The following SREK1IP1 variants were observed in gnomAD, a reference collection of about 807,000 sequenced individuals.
SREK1IP1 encodes the protein SREK1 interacting protein 1.
Under a neutral mutation model 22.8 loss-of-function variants are expected in SREK1IP1, and 12 were observed. That is an observed-to-expected ratio of 0.53 (90% CI 0.34 to 0.85). SREK1IP1 has a LOEUF of 0.85. SREK1IP1 is among the 40% of genes least tolerant of loss of function. SREK1IP1 has a pLI of 0.02. For synonymous variants in SREK1IP1, 53 were observed against 52.7 expected, an observed-to-expected ratio of 1.01 and a Z score of -0.02; for missense variants, 147 against 171.8, an observed-to-expected ratio of 0.86 and a Z score of 0.81.
intron 1 of SREK1IP1, among the ~76,000 whole-genome samples, chr5:64,762,746 T>C (rs1283825620): frequency 1.3e-5 from 2 of 152,198 alleles, no homozygotes. Flanking sequence ...GATGTCTTAA[T>C]AGTCCATTAA....
At chr5:64,731,699 G>C (rs1742384218) in intron 3 of SREK1IP1, among the ~76,000 whole-genome samples, 1 of 151,872 alleles carries the variant, frequency 6.6e-6, no homozygotes, top group African/African-American at 2.4e-5. Flanking sequence ...AAAAATGTGA[G>C]TTATTAAAGA....
intron 1 of SREK1IP1, among the ~76,000 whole-genome samples, chr5:64,762,815 G>A (rs986341043): frequency 3.9e-5 from 6 of 152,272 alleles, no homozygotes; most frequent in African/African-American, 1.4e-4. Flanking sequence ...ACTTTGGGAG[G>A]CTGAGGTGGG....
intron 4 of SREK1IP1, among the ~76,000 whole-genome samples, chr5:64,725,131 C>A (rs532529411): frequency 7.2e-5 from 11 of 152,004 alleles, no homozygotes; most frequent in African/African-American, 2.7e-4. Context: ...ACTTGCATTA[C>A]AAAATAATTT....
intron 1 of SREK1IP1, among the ~76,000 whole-genome samples, chr5:64,757,147 C>T (rs373632612): frequency 7.0e-4 from 107 of 152,268 alleles, no homozygotes; most frequent in East Asian, 7.7e-4. Flanking sequence ...TCATGGCGTA[C>T]GCCTGTAATC....
chr5:64,766,547 T>C (rs1238253857), intron 1 of SREK1IP1, among the ~76,000 whole-genome samples: 2 of 152,246 alleles, frequency 1.3e-5, no homozygotes, highest in African/African-American at 2.4e-5. Flanking sequence ...ATCTACTTTC[T>C]AGCCAGAATT....
At chr5:64,728,864 A>T (rs534409588) in intron 3 of SREK1IP1, among the ~76,000 whole-genome samples, 32 of 152,302 alleles carry the variant, frequency 2.1e-4, no homozygotes, top group Admixed American at 1.8e-3. Flanking sequence ...TGTACATATA[A>T]GAAGTATTTC....
intron 2 of SREK1IP1, among the ~76,000 whole-genome samples, chr5:64,752,470 A>T (rs988515357): frequency 3.9e-5 from 6 of 152,024 alleles, no homozygotes; most frequent in African/African-American, 1.4e-4. Flanking sequence ...CTTTTAAGTT[A>T]ATTTTGCTAA....
chr5:64,761,504 GC>G (rs1742952102), intron 1 of SREK1IP1, among the ~76,000 whole-genome samples: 1 of 152,162 alleles, frequency 6.6e-6, no homozygotes, highest in Admixed American at 6.5e-5. Flanking sequence ...ATAGCCTACT[GC>G]TCCTAAGCTA....
At chr5:64,738,980 G>A (rs1742511818) in intron 3 of SREK1IP1, among the ~76,000 whole-genome samples, 1 of 152,212 alleles carries the variant, frequency 6.6e-6, no homozygotes, top group South Asian at 2.1e-4. Flanking sequence ...TTAGAGAAGT[G>A]GAAAGCTATT....
At chr5:64,736,724 A>G (rs1742468048) in intron 3 of SREK1IP1, among the ~76,000 whole-genome samples, 1 of 152,038 alleles carries the variant, frequency 6.6e-6, no homozygotes, top group African/African-American at 2.4e-5. Flanking sequence ...CGGCCTCCCA[A>G]AATGCTGGGA....
At chr5:64,754,571 C>T in intron 1 of SREK1IP1, 1 of 480,594 alleles carries the variant, frequency 2.1e-6, no homozygotes, top group Non-Finnish European at 3.8e-6. Context: ...TCAGGCGATC[C>T]TCCTACCTTA....
chr5:64,759,476 A>G (rs1457576260), intron 1 of SREK1IP1, among the ~76,000 whole-genome samples: 1 of 152,160 alleles, frequency 6.6e-6, no homozygotes, highest in Non-Finnish European at 1.5e-5. Context: ...CTTTCTAATC[A>G]TGACCTGCAA....
In SREK1IP1 at chr5:64,721,980, A is replaced by G. The variant is rs1742170963; in HGVS notation, c.*2404T>C. 1 of 152,260 alleles carries G rather than the reference A, an allele frequency of 6.6e-6. No individual in the cohort carries two copies. Among genetic ancestry groups the G allele is most frequent in the Non-Finnish European group, 1.5e-5 (1 of 68,012 alleles). The allele number at this position is 152,260 out of a possible 1,614,324, so 9.4% of individuals were successfully genotyped here. A position where few individuals can be genotyped will look rare whatever the true frequency, so the allele number is the denominator to read the frequency against. On this transcript the variant is annotated 3_prime_UTR_variant, in exon 5 of 5. Transcript: ENST00000513458. ...TGTTCAAGATCATACAGGTAGTTAG[A>G]ATGACCAGGACTGTTTTACTGCTAA...
Position 64,721,610 on chromosome 5 carries a change from G to A in SREK1IP1, c.*2774C>T, listed in dbSNP as rs1351023361. ...AAAGGGGGAAATTGTGTGGTGAGAA[G>A]GTCCATCAACCCAAAAATAATGGCC... On this transcript the variant is annotated 3_prime_UTR_variant, in exon 5 of 5. Coordinates refer to ENST00000513458, the MANE Select transcript of SREK1IP1 (RefSeq NM_173829.4). The A allele has an allele frequency of 3.3e-5, 5 of 151,106 alleles. No individual in the cohort carries two copies. Among genetic ancestry groups the A allele is most frequent in the Non-Finnish European group, 5.9e-5 (4 of 67,880 alleles). 9.4% of individuals were successfully genotyped at this position (151,106 alleles called of 1,614,324 possible). A position where few individuals can be genotyped will look rare whatever the true frequency, so the allele number is the denominator to read the frequency against.
At chr5:64,742,406 T>C (rs1003709811) in intron 2 of SREK1IP1, among the ~76,000 whole-genome samples, 1 of 151,886 alleles carries the variant, frequency 6.6e-6, no homozygotes, top group Non-Finnish European at 1.5e-5. Context: ...CACACATTCA[T>C]GGATAAATAC....
chr5:64,740,330 A>G (rs1451151014), intron 3 of SREK1IP1, among the ~76,000 whole-genome samples: 2 of 152,134 alleles, frequency 1.3e-5, no homozygotes, highest in Admixed American at 1.3e-4. Flanking sequence ...ACATCCTTTT[A>G]GTAGGATGTA....
chr5:64,720,351 A>G lies in SREK1IP1; in HGVS notation c.*4033T>C, dbSNP rs1209944328. The G allele has an allele frequency of 6.6e-6, 1 of 152,202 alleles. No homozygotes were observed. The highest frequency in any genetic ancestry group is 1.5e-5 in the Non-Finnish European group (1 of 68,026). The allele number at this position is 152,202 out of a possible 1,614,324, so 9.4% of individuals were successfully genotyped here. A position where few individuals can be genotyped will look rare whatever the true frequency, so the allele number is the denominator to read the frequency against. On this transcript the variant is annotated 3_prime_UTR_variant, in exon 5 of 5. Coordinates refer to ENST00000513458, the MANE Select transcript of SREK1IP1 (RefSeq NM_173829.4). ...TTTTTGGAAATAATAATGAGACTGT[A>G]GAAAGAAATGTGAGTCTAATAATAG...
chr5:64,756,514 A>G (rs1305368519), intron 1 of SREK1IP1, among the ~76,000 whole-genome samples: 2 of 152,262 alleles, frequency 1.3e-5, no homozygotes, highest in African/African-American at 4.8e-5. Context: ...TTTATGGCTG[A>G]ATAATATTCC....
At chr5:64,726,106 G>A (rs1360114606) in intron 4 of SREK1IP1, among the ~76,000 whole-genome samples, 3 of 151,516 alleles carry the variant, frequency 2.0e-5, no homozygotes, top group Admixed American at 1.3e-4. Context: ...CCAGACCTCA[G>A]GTGATCGACC....
Sources: allele counts gnomAD v4.1 joint callset (sites outside exome capture counted in the v4.1 genomes callset), GRCh38; gene constraint gnomAD v4.1.1; transcripts MANE v1.5; gene names NCBI Gene and HGNC (gene_info 2026-07-23, HGNC 2026-07-21).